The following SUCO variants were observed in gnomAD, a reference collection of about 807,000 sequenced individuals.
The protein encoded by SUCO is SUN domain-containing ossification factor.
SUCO carries 57 observed loss-of-function variants against 148.1 expected under a neutral mutation model. That is an observed-to-expected ratio of 0.38 (90% CI 0.31 to 0.48). The LOEUF is 0.48. SUCO is among the 20% of genes least tolerant of loss of function. SUCO has a pLI of 0.96. For missense variants in SUCO, 1,331 were observed against 1,468.2 expected, an observed-to-expected ratio of 0.91 and a Z score of 1.53; for synonymous variants, 470 against 502.7, an observed-to-expected ratio of 0.93 and a Z score of 0.87.
At position 172,533,244 on chromosome 1, in the gene SUCO, G is replaced by A; in HGVS notation, c.-192G>A. 6 of 1,547,406 alleles carry A rather than the reference G, an allele frequency of 3.9e-6. No individual in the cohort carries two copies. The highest frequency in any genetic ancestry group is 5.2e-6 in the Non-Finnish European group (6 of 1,146,324). On this transcript the variant is annotated 5_prime_UTR_variant, in exon 1 of 24. Coordinates refer to ENST00000263688, the MANE Select transcript of SUCO (RefSeq NM_014283.5). ...GGAGTCCTGTGAAGCGCCCCTGTCC[G>A]CGCCTCTGTGGGGCCCTCAGAGAGG...
chr1:172,545,956 G>C (rs961163475), intron 1 of SUCO, among the ~76,000 whole-genome samples: 3 of 151,574 alleles, frequency 2.0e-5, no homozygotes, highest in African/African-American at 7.3e-5. Context: ...TTTCCTGGCA[G>C]GGTCTTGCTC....
intron 17 of SUCO, chr1:172,588,374 T>C (rs1414242164): frequency 1.0e-6 from 1 of 985,190 alleles, no homozygotes; most frequent in Non-Finnish European, 1.2e-6. Context: ...TTAGTTGGCT[T>C]AATTTCTGAT....
intron 17 of SUCO, among the ~76,000 whole-genome samples, chr1:172,586,892 T>C (rs1208985556): frequency 6.6e-6 from 1 of 152,138 alleles, no homozygotes; most frequent in Admixed American, 6.5e-5. Context: ...TTAGAAAATA[T>C]AGCGTATGTG....
intron 18 of SUCO, 82 bp from the exon 19 acceptor site, chr1:172,590,902 A>T: frequency 1.0e-6 from 1 of 967,080 alleles, no homozygotes; most frequent in South Asian, 1.5e-5. Flanking sequence ...TGTCTCATAT[A>T]TCAAAATCAG....
In SUCO at chr1:172,602,107, G is replaced by C. The variant is rs768922242; in HGVS notation, c.3062G>C (p.Cys1021Ser). 6.2e-7 allele frequency: 1 copy of C among 1,612,728 alleles called. No homozygotes were observed. The highest frequency in any genetic ancestry group is 8.5e-7 in the Non-Finnish European group (1 of 1,179,438). The stretch of plus-strand genomic sequence containing the variant: ...TATCTTGTCATATCTTTGGTTCTTT[G>C]TGTTGTCTTGGGACTGATGCTTTGT... ...QSYLVISLVL[C>S]VVLGLMLCMQ... The change falls in exon 21 of 24, where the codon TGT becomes TCT. Residue 1021 changes from cysteine to serine, a missense_variant. Physicochemically the swap from Cys to Ser is moderately radical, Grantham distance 112 (BLOSUM62 -1). This residue lies in a region of SUCO where 334 missense variants were observed against 352.3 expected (regional missense o/e 0.95). Transcript: ENST00000263688.
chr1:172,580,340 A>G (rs944127375), intron 15 of SUCO, among the ~76,000 whole-genome samples: 9 of 152,200 alleles, frequency 5.9e-5, no homozygotes, highest in Non-Finnish European at 1.2e-4. Context: ...ACTTTATTAC[A>G]TATCAGTTCA....
intron 19 of SUCO, among the ~76,000 whole-genome samples, chr1:172,596,769 C>T (rs1372212992): frequency 1.3e-5 from 2 of 152,236 alleles, no homozygotes; most frequent in Non-Finnish European, 2.9e-5. Context: ...TGTTCATTCT[C>T]AGATCTCAAA....
At chr1:172,560,833 G>A in intron 6 of SUCO, among the ~76,000 whole-genome samples, 1 of 152,218 alleles carries the variant, frequency 6.6e-6, no homozygotes, top group Non-Finnish European at 1.5e-5. Context: ...GTTATGGGGT[G>A]TAACTTCTTC....
intron 7 of SUCO, chr1:172,569,365 G>A: frequency 1.0e-6 from 1 of 970,872 alleles, no homozygotes; most frequent in Non-Finnish European, 1.2e-6. Flanking sequence ...AAATTATTAA[G>A]TGAGCATAAA....
chr1:172,536,627 C>A (rs1571167339), intron 1 of SUCO, among the ~76,000 whole-genome samples: 1 of 152,148 alleles, frequency 6.6e-6, no homozygotes, highest in African/African-American at 2.4e-5. Context: ...GTTTCTTATG[C>A]CTGCTGTAGC....
intron 17 of SUCO, chr1:172,588,114 T>C (rs1245503322): frequency 1.4e-5 from 14 of 985,308 alleles, no homozygotes; most frequent in Non-Finnish European, 1.6e-5. Flanking sequence ...GCAAAATTAT[T>C]TTAGGAAGGG....
intron 22 of SUCO, among the ~76,000 whole-genome samples, chr1:172,606,526 T>C (rs1339906057): frequency 6.6e-6 from 1 of 151,788 alleles, no homozygotes; most frequent in Non-Finnish European, 1.5e-5. Flanking sequence ...GTTACTGTTC[T>C]TGTATATTTT....
chr1:172,575,489 A>G, intron 10 of SUCO, 29 bp from the exon 11 acceptor site: 1 of 1,495,330 alleles, frequency 6.7e-7, no homozygotes, highest in Admixed American at 1.8e-5. Flanking sequence ...ATAATTTTTA[A>G]AAAAGAACAT....
chr1:172,588,529 G>C (rs1025816664), intron 17 of SUCO: 8 of 985,058 alleles, frequency 8.1e-6, no homozygotes, highest in Non-Finnish European at 9.6e-6. Flanking sequence ...AAATATGGTG[G>C]TTTGAGTCAT....
At chr1:172,577,137 A>AT in intron 11 of SUCO, 3 of 346,490 alleles carry the variant, frequency 8.7e-6, no homozygotes, top group Non-Finnish European at 1.2e-5. Flanking sequence ...GTGCATATAT[A>AT]TCAATATATA....
intron 19 of SUCO, among the ~76,000 whole-genome samples, chr1:172,599,668 G>A (rs1262420448): frequency 6.6e-6 from 1 of 152,124 alleles, no homozygotes; most frequent in African/African-American, 2.4e-5. Context: ...AAATTCTTCA[G>A]AAAATTTTCA....
intron 18 of SUCO, chr1:172,590,400 G>A (rs898614945): frequency 9.2e-6 from 9 of 977,628 alleles, no homozygotes; most frequent in Middle Eastern, 5.2e-4. Flanking sequence ...ACAGGTCTCG[G>A]CATCCTAGTT....
At chr1:172,607,258 A>G (rs1164511454) in intron 22 of SUCO, among the ~76,000 whole-genome samples, 1 of 151,878 alleles carries the variant, frequency 6.6e-6, no homozygotes, top group Non-Finnish European at 1.5e-5. Context: ...GAGGCCTAGA[A>G]TATAGGTTCT....
chr1:172,535,862 G>A (rs375067559), intron 1 of SUCO, among the ~76,000 whole-genome samples: 1 of 151,886 alleles, frequency 6.6e-6, no homozygotes, highest in Non-Finnish European at 1.5e-5. Context: ...TCTCCCCTCT[G>A]CTTTTGTCTT....
Sources: gnomAD v4.1 joint callset for allele counts (sites outside exome capture counted in the v4.1 genomes callset) on GRCh38, gnomAD v4.1.1 for gene constraint, gnomAD v4.1.1 regional missense constraint, MANE v1.5 for transcripts, NCBI Gene and HGNC (gene_info 2026-07-23, HGNC 2026-07-21) for gene names.